PUS10: variants seen among roughly 807,000 people sequenced by gnomAD.
PUS10 encodes pseudouridine synthase 10, also known as tRNA pseudouridine synthase Pus10.
PUS10 carries 59 observed loss-of-function variants against 75.0 expected under a neutral mutation model. That is an observed-to-expected ratio of 0.79 (90% CI 0.64 to 0.98). The LOEUF is 0.98. Among genes scored for constraint, PUS10 ranks in the 50% least tolerant of loss-of-function variants. The pLI, the probability that PUS10 is intolerant of heterozygous loss-of-function variation, is 0.00. For missense variants in PUS10, 650 were observed against 614.4 expected, an observed-to-expected ratio of 1.06 and a Z score of -0.61; for synonymous variants, 219 against 211.6, an observed-to-expected ratio of 1.03 and a Z score of -0.30.
chr2:61,000,830 G>C (rs1014327374), intron 4 of PUS10, among the ~76,000 whole-genome samples: 1 of 152,102 alleles, frequency 6.6e-6, no homozygotes, highest in Non-Finnish European at 1.5e-5. Context: ...TCATCGCCAA[G>C]GTCTGATTTT....
At chr2:60,944,330 G>A in intron 17 of PUS10, 1 of 584,626 alleles carries the variant, frequency 1.7e-6, no homozygotes, top group Non-Finnish European at 2.2e-6. Flanking sequence ...TACCATAGAT[G>A]TTTTCACATT....
intron 12 of PUS10, among the ~76,000 whole-genome samples, chr2:60,954,370 A>G (rs1406565280): frequency 6.6e-6 from 1 of 152,222 alleles, no homozygotes; most frequent in Non-Finnish European, 1.5e-5. Context: ...GCAATATGTG[A>G]AAATGACTGC....
At chr2:60,996,597 A>T (rs1394782375) in intron 4 of PUS10, among the ~76,000 whole-genome samples, 4 of 143,890 alleles carry the variant, frequency 2.8e-5, no homozygotes, top group South Asian at 4.4e-4. Flanking sequence ...GGTATGGTTT[A>T]AAAAAAAAAA....
chr2:60,983,103 T>C (rs912704275), intron 4 of PUS10, among the ~76,000 whole-genome samples: 1 of 152,068 alleles, frequency 6.6e-6, no homozygotes, highest in Non-Finnish European at 1.5e-5. Context: ...ACGTTGACCA[T>C]GCTGGTTTCA....
chr2:60,969,116 G>A (rs889889490), intron 5 of PUS10, among the ~76,000 whole-genome samples: 6 of 152,122 alleles, frequency 3.9e-5, no homozygotes, highest in Admixed American at 2.6e-4. Context: ...TTACAAAAGC[G>A]AATCCCAAAA....
At chr2:60,956,967 T>A (rs1573399933) in intron 11 of PUS10, among the ~76,000 whole-genome samples, 1 of 79,384 alleles carries the variant, frequency 1.3e-5, no homozygotes, top group South Asian at 4.7e-4. Context: ...AGAGCGAGAC[T>A]CCATCTCAAA....
Position 60,940,672 on chromosome 2 carries a change from T to C in PUS10, c.*1723A>G, listed in dbSNP as rs566554852. On this transcript the variant is annotated 3_prime_UTR_variant, in exon 18 of 18. Transcript: ENST00000316752. ...AAGCACATTCTTCATTCTTACATAT[T>C]ACAGGTCCACTAGATTCAAAGGTAA... 44 of 152,442 alleles carry C rather than the reference T, an allele frequency of 2.9e-4. No individual in the cohort carries two copies. The South Asian group carries it at 9.1e-3, about 32-fold the overall frequency. The allele number at this position is 152,442 out of a possible 1,614,324, so 9.4% of individuals were successfully genotyped here. A position where few individuals can be genotyped will look rare whatever the true frequency, so the allele number is the denominator to read the frequency against.
chr2:60,963,601 G>T (rs1487734424), intron 8 of PUS10, among the ~76,000 whole-genome samples: 2 of 152,120 alleles, frequency 1.3e-5, no homozygotes, highest in African/African-American at 4.8e-5. Flanking sequence ...TGACTGAAAA[G>T]GATTACAGTG....
In PUS10 at chr2:61,008,909, T is replaced by A; in HGVS notation, c.233A>T (p.Asp78Val). 6.2e-7 allele frequency: 1 copy of A among 1,613,932 alleles called. No homozygotes were observed. The highest frequency in any genetic ancestry group is 8.5e-7 in the Non-Finnish European group (1 of 1,179,884). Residue 78 changes from aspartate (D) to valine (V), a missense_variant, in exon 3 of 18, where the codon GAT (aspartate) becomes GTT (valine). By Grantham distance (152) the Asp-to-Val change is radical. Transcript: ENST00000316752. ...ATTTTGACTTAGATTATCAATACTA[T>A]CTTCCAGTTCTTGCAGTCGAATTTT... Reference protein sequence around the residue: ...PKKIRLQELEDSIDNLSQNGE... With the variant: ...PKKIRLQELEVSIDNLSQNGE...
At position 60,941,603 on chromosome 2, in the gene PUS10, C is replaced by A. The variant is rs544461607; in HGVS notation, c.*792G>T. On this transcript the variant is annotated 3_prime_UTR_variant, in exon 18 of 18. Coordinates refer to ENST00000316752, the MANE Select transcript of PUS10 (RefSeq NM_144709.4). ...GAAGCATTCTGAAATAATACCAGTT[C>A]GTCTTTGTTTAGCAATCTCAATTTT... 1 of 152,112 alleles carries A rather than the reference C, an allele frequency of 6.6e-6. No individual in the cohort carries two copies. The allele number at this position is 152,112 out of a possible 1,614,324, so 9.4% of individuals were successfully genotyped here. A position where few individuals can be genotyped will look rare whatever the true frequency, so the allele number is the denominator to read the frequency against.
At chr2:60,970,601 T>C (rs1676596595) in intron 5 of PUS10, among the ~76,000 whole-genome samples, 1 of 152,220 alleles carries the variant, frequency 6.6e-6, no homozygotes, top group Admixed American at 6.5e-5. Context: ...TCATATGTTT[T>C]GTTGCAGAAA....
At chr2:60,996,029 CA>C (rs1241941664) in intron 4 of PUS10, among the ~76,000 whole-genome samples, 1 of 152,170 alleles carries the variant, frequency 6.6e-6, no homozygotes, top group Non-Finnish European at 1.5e-5. Context: ...AATAACCTGC[CA>C]ACTGCAATCC....
In PUS10 at chr2:61,011,898, A is replaced by G; in HGVS notation, c.-8T>C. The stretch of plus-strand genomic sequence containing the variant: ...CTCAGTCAGTGGGAACATATTGAAT[A>G]ATTATAACTAGAAAGAAAAGAAGTA... On this transcript the variant is annotated 5_prime_UTR_variant, in exon 2 of 18. Transcript: ENST00000316752. The G allele has an allele frequency of 6.3e-7, 1 of 1,590,058 alleles. No individual in the cohort carries two copies. Among genetic ancestry groups the G allele is most frequent in the South Asian group, 1.2e-5 (1 of 85,856 alleles).
intron 1 of PUS10, among the ~76,000 whole-genome samples, chr2:61,012,548 C>G (rs931047987): frequency 4.0e-5 from 6 of 151,416 alleles, no homozygotes; most frequent in African/African-American, 1.5e-4. Context: ...CAAATTTGGT[C>G]AGGCACAGTG....
intron 4 of PUS10, among the ~76,000 whole-genome samples, chr2:60,979,186 A>G (rs1425617336): frequency 6.6e-6 from 1 of 152,042 alleles, no homozygotes; most frequent in East Asian, 1.9e-4. Context: ...CATTTATGTA[A>G]TTTTTTCTTG....
chr2:61,006,857 G>C (rs913897523), intron 3 of PUS10, among the ~76,000 whole-genome samples: 3 of 152,122 alleles, frequency 2.0e-5, no homozygotes, highest in Admixed American at 6.6e-5. Context: ...AAACAGCCAG[G>C]AGTAACAGCT....
chr2:60,957,314 G>A (rs931682289), intron 11 of PUS10, among the ~76,000 whole-genome samples: 5 of 152,198 alleles, frequency 3.3e-5, no homozygotes, highest in East Asian at 3.9e-4. Context: ...TGCCTGGAAC[G>A]CGATGCACAA....
intron 4 of PUS10, among the ~76,000 whole-genome samples, chr2:60,973,363 C>A (rs1676816375): frequency 1.3e-5 from 2 of 152,252 alleles, no homozygotes; most frequent in African/African-American, 4.8e-5. Context: ...CGGGAAGGCC[C>A]CCCCGTTGTC....
At chr2:60,963,883 A>G (rs1378107898) in intron 8 of PUS10, among the ~76,000 whole-genome samples, 2 of 152,242 alleles carry the variant, frequency 1.3e-5, no homozygotes, top group Non-Finnish European at 2.9e-5. Flanking sequence ...TCCTTATCCT[A>G]TTACTTGATG....
Sources: allele counts gnomAD v4.1 joint callset (sites outside exome capture counted in the v4.1 genomes callset), GRCh38; gene constraint gnomAD v4.1.1; transcripts MANE v1.5; gene names NCBI Gene and HGNC (gene_info 2026-07-23, HGNC 2026-07-21).